The following DGKI variants were observed in gnomAD, a reference collection of about 807,000 sequenced individuals.
DGKI encodes diacylglycerol kinase iota, also known as DAG kinase iota.
In DGKI, 55 loss-of-function variants were observed where a neutral mutation model predicts 147.5. The ratio of observed to expected loss-of-function variants is 0.37; its 90% CI spans 0.30 to 0.47. The LOEUF is 0.47. Ranked by LOEUF, DGKI falls within the 20% of genes least tolerant of loss-of-function variation. The probability of loss-of-function intolerance (pLI) is 1.00; values close to 1 mark genes in which losing one functional copy is unlikely to be tolerated. For missense variants in DGKI, 1,007 were observed against 1,323.8 expected (o/e 0.76, Z 3.71); for synonymous variants, 469 against 477.1 (o/e 0.98, Z 0.22).
intron 12 of DGKI, among the ~76,000 whole-genome samples, chr7:137,596,634 T>C (rs972256074): frequency 3.3e-5 from 5 of 152,232 alleles, no homozygotes; most frequent in African/African-American, 1.2e-4. Flanking sequence ...GACATTATAA[T>C]GAATTTTATA....
intron 16 of DGKI, 143 bp from the exon 17 acceptor site, chr7:137,577,427 C>G: frequency 1.6e-6 from 1 of 644,448 alleles, no homozygotes; most frequent in Admixed American, 2.9e-5. Context: ...CAAAGTAAAG[C>G]AGTGCAGTAG....
intron 6 of DGKI, among the ~76,000 whole-genome samples, chr7:137,634,751 G>T (rs1821251777): frequency 6.6e-6 from 1 of 152,206 alleles, no homozygotes; most frequent in Admixed American, 6.5e-5. Flanking sequence ...AAAATGCTGA[G>T]ATTGGTTCAT....
At chr7:137,650,816 T>C (rs984398548) in intron 5 of DGKI, among the ~76,000 whole-genome samples, 7 of 152,146 alleles carry the variant, frequency 4.6e-5, no homozygotes, top group African/African-American at 1.7e-4. Context: ...CTAAACAGAC[T>C]AAGACAATGG....
chr7:137,615,359 G>T (rs1820493662), intron 8 of DGKI, among the ~76,000 whole-genome samples: 1 of 152,000 alleles, frequency 6.6e-6, no homozygotes, highest in Admixed American at 6.6e-5. Flanking sequence ...TACTCTTTGT[G>T]GAAATGGATC....
intron 6 of DGKI, among the ~76,000 whole-genome samples, chr7:137,623,929 T>C (rs1032246046): frequency 2.6e-5 from 4 of 151,838 alleles, no homozygotes; most frequent in African/African-American, 9.7e-5. Context: ...TAATCATTCA[T>C]CTCAGAGGGT....
intron 6 of DGKI, among the ~76,000 whole-genome samples, chr7:137,629,709 C>T (rs1436940729): frequency 6.6e-6 from 1 of 152,192 alleles, no homozygotes; most frequent in Non-Finnish European, 1.5e-5. Flanking sequence ...GCAAAACCCA[C>T]CATAACCCAA....
At chr7:137,698,045 G>A (rs1823851178) in intron 1 of DGKI, among the ~76,000 whole-genome samples, 1 of 150,280 alleles carries the variant, frequency 6.7e-6, no homozygotes, top group Non-Finnish European at 1.5e-5. Context: ...GATAGATACA[G>A]ATATATATAG....
intron 28 of DGKI, among the ~76,000 whole-genome samples, chr7:137,417,494 A>G (rs868035418): frequency 5.3e-5 from 8 of 152,212 alleles, no homozygotes; most frequent in African/African-American, 1.9e-4. Context: ...GAGAACTGCC[A>G]TCTTCCTTCT....
At chr7:137,544,134 C>T (rs192640827) in intron 20 of DGKI, among the ~76,000 whole-genome samples, 8 of 152,204 alleles carry the variant, frequency 5.3e-5, no homozygotes, top group East Asian at 1.9e-4. Flanking sequence ...GTATGTAGCA[C>T]GCACACTCAT....
At chr7:137,604,499 G>C (rs1820103062) in intron 10 of DGKI, among the ~76,000 whole-genome samples, 1 of 152,170 alleles carries the variant, frequency 6.6e-6, no homozygotes, top group Non-Finnish European at 1.5e-5. Flanking sequence ...CCGATTCCCA[G>C]ATGGTGGTGT....
At chr7:137,834,650 T>C (rs945728528) in intron 1 of DGKI, among the ~76,000 whole-genome samples, 4 of 152,212 alleles carry the variant, frequency 2.6e-5, no homozygotes, top group Non-Finnish European at 5.9e-5. Flanking sequence ...GGAGCAGTAT[T>C]ATGCAGCACA....
chr7:137,492,263 G>A (rs1815791437), intron 21 of DGKI, among the ~76,000 whole-genome samples: 1 of 152,158 alleles, frequency 6.6e-6, no homozygotes, highest in South Asian at 2.1e-4. Context: ...AGAAGCCAAA[G>A]ATCAAAATAA....
At chr7:137,408,079 GT>G in intron 29 of DGKI, 84 bp from the exon 30 acceptor site, 3 of 1,510,822 alleles carry the variant, frequency 2.0e-6, no homozygotes, top group South Asian at 2.4e-5. Context: ...TGAGAGTCAT[GT>G]AGCAGACCAC....
chr7:137,697,152 G>C (rs2116489731), intron 1 of DGKI, among the ~76,000 whole-genome samples: 1 of 152,248 alleles, frequency 6.6e-6, no homozygotes, highest in Non-Finnish European at 1.5e-5. Context: ...TCAATGTGTG[G>C]TACTTTGTTA....
chr7:137,452,690 G>A (rs2128921262), intron 27 of DGKI: 1 of 152,302 alleles, frequency 6.6e-6, no homozygotes, highest in East Asian at 1.9e-4. Flanking sequence ...TACTTAGGAA[G>A]GGAAAGAGAA....
intron 1 of DGKI, among the ~76,000 whole-genome samples, chr7:137,816,093 C>T (rs563481020): frequency 1.3e-4 from 20 of 152,236 alleles, no homozygotes; most frequent in African/African-American, 4.3e-4. Flanking sequence ...CCCTTGAGTG[C>T]GATATGACCA....
At chr7:137,623,427 C>A in intron 7 of DGKI, 56 bp downstream of exon 7, 1 of 1,502,400 alleles carries the variant, frequency 6.7e-7, no homozygotes. Flanking sequence ...AATAATGACA[C>A]AAGTGTATTT....
At chr7:137,565,156 A>G (rs1240610011) in intron 19 of DGKI, among the ~76,000 whole-genome samples, 1 of 152,222 alleles carries the variant, frequency 6.6e-6, no homozygotes, top group African/African-American at 2.4e-5. Context: ...TCTGCAATAT[A>G]AAACATCAAA....
At chr7:137,392,185 CTACTA>C (rs1050684756) in intron 32 of DGKI, among the ~76,000 whole-genome samples, 5 of 152,078 alleles carry the variant, frequency 3.3e-5, no homozygotes, top group Admixed American at 2.6e-4. Flanking sequence ...TTCTTACAGA[CTACTA>C]TAATGCCTTT....
Sources: gnomAD v4.1 joint callset for allele counts (sites outside exome capture counted in the v4.1 genomes callset) on GRCh38, gnomAD v4.1.1 for gene constraint, MANE v1.5 for transcripts, NCBI Gene and HGNC (gene_info 2026-07-23, HGNC 2026-07-21) for gene names.